RBMS3: variants seen among roughly 807,000 people sequenced by gnomAD.
The protein encoded by RBMS3 is RNA binding motif single stranded interacting protein 3.
RBMS3 carries 27 observed loss-of-function variants against 66.8 expected under a neutral mutation model. The observed-to-expected ratio is 0.40, with a 90% CI of 0.30 to 0.56. RBMS3 has a LOEUF of 0.56. Among genes scored for constraint, RBMS3 ranks in the 20% least tolerant of loss-of-function variants. The probability of loss-of-function intolerance (pLI) is 0.40; values close to 1 mark genes in which losing one functional copy is unlikely to be tolerated. For missense variants in RBMS3, 513 were observed against 549.5 expected (o/e 0.93, Z 0.66); for synonymous variants, 188 against 183.0 (o/e 1.03, Z -0.22).
rs573080091 is a variant in RBMS3 at position 29,321,450 on chromosome 3, A to G, written c.75+39694A>G. ...CCACAAAGATATCAGATTGCAATGC[A>G]TATTATGTGGCTAAATTCTATAATT... On this transcript the variant is annotated intron_variant, in intron 1 of 14. Coordinates refer to ENST00000383767, the MANE Select transcript of RBMS3 (RefSeq NM_001003793.3). Among the ~76,000 whole-genome samples the G allele has an allele frequency of 5.3e-5, 8 of 152,270 alleles. No homozygotes were observed. The South Asian group carries it at 1.7e-3, about 32-fold the overall frequency.
At chr3:29,853,722 C>T (rs1696429590) in intron 6 of RBMS3, among the ~76,000 whole-genome samples, 2 of 152,108 alleles carry the variant, frequency 1.3e-5, no homozygotes, top group Admixed American at 1.3e-4. Context: ...CCCAGCCAGG[C>T]TTAGGGATTC....
At chr3:29,904,379 G>A (rs145266356) in intron 10 of RBMS3, among the ~76,000 whole-genome samples, 53 of 151,922 alleles carry the variant, frequency 3.5e-4, no homozygotes, top group Non-Finnish European at 6.2e-4. Flanking sequence ...GTGTAAATGT[G>A]TATTTTTAAT....
At chr3:29,854,880 C>T (rs144379751) in intron 6 of RBMS3, among the ~76,000 whole-genome samples, 1 of 152,140 alleles carries the variant, frequency 6.6e-6, no homozygotes, top group Non-Finnish European at 1.5e-5. Flanking sequence ...TTTGAACTCT[C>T]TTCAATTCTA....
At chr3:29,299,749 T>C (rs2033543706) in intron 1 of RBMS3, among the ~76,000 whole-genome samples, 1 of 151,846 alleles carries the variant, frequency 6.6e-6, no homozygotes, top group African/African-American at 2.4e-5. Context: ...CACTACACCA[T>C]GATATATAAG....
chr3:29,557,220 C>G (rs77782120), intron 3 of RBMS3, among the ~76,000 whole-genome samples: 2,434 of 152,330 alleles, frequency 0.016, 27 homozygotes, highest in Admixed American at 0.036. Context: ...ATCTTTTAAG[C>G]TGTGTAAATA....
chr3:29,948,457 G>A (rs545201411), intron 12 of RBMS3, among the ~76,000 whole-genome samples: 284 of 151,858 alleles, frequency 1.9e-3, no homozygotes, highest in Non-Finnish European at 2.0e-3. Flanking sequence ...GGAGGGAAAG[G>A]CAGAGTATTT....
At chr3:29,899,634 A>C in intron 9 of RBMS3, 71 bp from the exon 10 acceptor site, 7 of 1,381,060 alleles carry the variant, frequency 5.1e-6, no homozygotes, top group Non-Finnish European at 7.1e-6. Flanking sequence ...ACCTAGTGTG[A>C]CTCCACTGAA....
intron 1 of RBMS3, among the ~76,000 whole-genome samples, chr3:29,360,437 T>C (rs563861781): frequency 6.6e-6 from 1 of 152,090 alleles, no homozygotes; most frequent in Non-Finnish European, 1.5e-5. Context: ...TCTGTTCTTT[T>C]ACATTTGCTG....
chr3:29,871,943 G>A (rs1178129986), intron 7 of RBMS3, among the ~76,000 whole-genome samples: 1 of 152,040 alleles, frequency 6.6e-6, no homozygotes, highest in South Asian at 2.1e-4. Flanking sequence ...TTCATACACA[G>A]AAATTAGTAT....
At chr3:29,530,478 A>G (rs2045308495) in intron 3 of RBMS3, among the ~76,000 whole-genome samples, 1 of 152,174 alleles carries the variant, frequency 6.6e-6, no homozygotes, top group South Asian at 2.1e-4. Context: ...AATTTCCATA[A>G]AGTGAAATGA....
chr3:29,972,298 G>C (rs987523010), intron 12 of RBMS3, among the ~76,000 whole-genome samples: 10 of 152,036 alleles, frequency 6.6e-5, no homozygotes, highest in African/African-American at 2.4e-4. Context: ...TACTCACATG[G>C]ATAGAGTAGT....
intron 8 of RBMS3, among the ~76,000 whole-genome samples, chr3:29,886,050 A>G (rs2059861355): frequency 6.6e-6 from 1 of 151,908 alleles, no homozygotes; most frequent in African/African-American, 2.4e-5. Flanking sequence ...TTGCTGGACC[A>G]TATCAAAGTA....
chr3:29,521,061 ACT>A (rs2044839048), intron 3 of RBMS3, among the ~76,000 whole-genome samples: 1 of 151,584 alleles, frequency 6.6e-6, no homozygotes, highest in Admixed American at 6.6e-5. Context: ...GCACCCTGTC[ACT>A]CTCTCACTCT....
intron 4 of RBMS3, among the ~76,000 whole-genome samples, chr3:29,633,074 T>C (rs1320658186): frequency 6.6e-6 from 1 of 151,892 alleles, no homozygotes; most frequent in Non-Finnish European, 1.5e-5. Context: ...CTTATCCTAC[T>C]GAAGTATGAT....
chr3:29,433,069 G>C (rs1224104341), intron 1 of RBMS3, among the ~76,000 whole-genome samples: 1 of 151,880 alleles, frequency 6.6e-6, no homozygotes, highest in Admixed American at 6.6e-5. Context: ...CAGAAGTTTT[G>C]GGATGAAAAG....
intron 2 of RBMS3, among the ~76,000 whole-genome samples, chr3:29,438,465 T>C (rs974256853): frequency 5.3e-5 from 8 of 152,168 alleles, no homozygotes; most frequent in African/African-American, 1.9e-4. Flanking sequence ...AATTGCATTA[T>C]TTCTAAATAT....
At chr3:29,664,029 A>AT (rs1237781127) in intron 4 of RBMS3, among the ~76,000 whole-genome samples, 1 of 152,312 alleles carries the variant, frequency 6.6e-6, no homozygotes, top group East Asian at 1.9e-4. Flanking sequence ...TTGAATTGAT[A>AT]TATAAGTATG....
At chr3:29,960,616 A>G (rs1170441104) in intron 12 of RBMS3, among the ~76,000 whole-genome samples, 1 of 152,212 alleles carries the variant, frequency 6.6e-6, no homozygotes, top group African/African-American at 2.4e-5. Flanking sequence ...CTGTCCCTGC[A>G]GCAAACTTCT....
intron 4 of RBMS3, among the ~76,000 whole-genome samples, chr3:29,687,565 G>A (rs150798414): frequency 1.1e-3 from 166 of 152,252 alleles, no homozygotes; most frequent in African/African-American, 3.8e-3. Context: ...TCCTTCATTA[G>A]ACAAGCGAAG....
Sources: allele counts gnomAD v4.1 joint callset (sites outside exome capture counted in the v4.1 genomes callset), GRCh38; gene constraint gnomAD v4.1.1; transcripts MANE v1.5; gene names NCBI Gene and HGNC (gene_info 2026-07-23, HGNC 2026-07-21).